HS3ST3B1: variants seen among roughly 807,000 people sequenced by gnomAD.
HS3ST3B1 encodes heparan sulfate-glucosamine 3-sulfotransferase 3B1.
A neutral mutation model predicts 21.3 loss-of-function variants in HS3ST3B1; 13 were observed. The ratio of observed to expected loss-of-function variants is 0.61; its 90% CI spans 0.40 to 0.97. The LOEUF (loss-of-function observed/expected upper bound fraction) is 0.97, where lower values mean the gene tolerates loss of function less well. HS3ST3B1 is among the 50% of genes least tolerant of loss of function. The pLI, the probability that HS3ST3B1 is intolerant of heterozygous loss-of-function variation, is 0.00. For missense variants in HS3ST3B1, 459 were observed against 554.8 expected (o/e 0.83, Z 1.73); for synonymous variants, 234 against 254.8 (o/e 0.92, Z 0.78).
chr17:14,320,811 A>G (rs564125608), intron 1 of HS3ST3B1, among the ~76,000 whole-genome samples: 1 of 152,192 alleles, frequency 6.6e-6, no homozygotes, highest in Non-Finnish European at 1.5e-5. Flanking sequence ...CTACAATAGG[A>G]ACAGCCCCAT....
chr17:14,323,377 C>T (rs532260255), intron 1 of HS3ST3B1, among the ~76,000 whole-genome samples: 3 of 152,218 alleles, frequency 2.0e-5, no homozygotes, highest in South Asian at 4.1e-4. Flanking sequence ...TTTAACAAGG[C>T]CTATTTCTAT....
intron 1 of HS3ST3B1, among the ~76,000 whole-genome samples, chr17:14,315,853 G>GA (rs536112401): frequency 4.6e-5 from 7 of 151,514 alleles, no homozygotes; most frequent in Admixed American, 4.6e-4. Context: ...GTAGAGGGTA[G>GA]AAAAAAAGAG....
At chr17:14,332,483 C>A (rs528942770) in intron 1 of HS3ST3B1, among the ~76,000 whole-genome samples, 1 of 152,060 alleles carries the variant, frequency 6.6e-6, no homozygotes, top group African/African-American at 2.4e-5. Context: ...TACCCTCCCC[C>A]ATTCGCAGCT....
intron 1 of HS3ST3B1, among the ~76,000 whole-genome samples, chr17:14,325,151 CG>C (rs1188949785): frequency 3.3e-5 from 5 of 152,190 alleles, no homozygotes; most frequent in African/African-American, 9.7e-5. Context: ...GGTATTAAGC[CG>C]AGGGGCTGGC....
chr17:14,310,206 C>T (rs1909263764), intron 1 of HS3ST3B1, among the ~76,000 whole-genome samples: 1 of 152,196 alleles, frequency 6.6e-6, no homozygotes, highest in South Asian at 2.1e-4. Flanking sequence ...CCTTCCGATC[C>T]CTGAATCTCA....
intron 1 of HS3ST3B1, among the ~76,000 whole-genome samples, chr17:14,334,041 G>A (rs1035107885): frequency 3.9e-5 from 6 of 152,200 alleles, no homozygotes; most frequent in Admixed American, 1.3e-4. Flanking sequence ...GATTACAGGC[G>A]TGAGCCACCG....
At chr17:14,344,590 G>GT (rs1910494409) in intron 1 of HS3ST3B1, among the ~76,000 whole-genome samples, 1 of 152,192 alleles carries the variant, frequency 6.6e-6, no homozygotes, top group Non-Finnish European at 1.5e-5. Flanking sequence ...CCTGGGTTTG[G>GT]TAAGTGTGAG....
At chr17:14,313,145 T>TACATATATATATGTG (rs1349125456) in intron 1 of HS3ST3B1, among the ~76,000 whole-genome samples, 2 of 150,552 alleles carry the variant, frequency 1.3e-5, no homozygotes, top group Non-Finnish European at 3.0e-5. Context: ...TATATATATA[T>TACATATATATATGTG]TTTTAGTAGA....
chr17:14,322,651 G>A (rs1230813054), intron 1 of HS3ST3B1, among the ~76,000 whole-genome samples: 5 of 152,092 alleles, frequency 3.3e-5, no homozygotes, highest in Non-Finnish European at 7.3e-5. Flanking sequence ...GTGTTTGGGT[G>A]GGCCTAAGTG....
At chr17:14,321,875 A>G (rs1158150785) in intron 1 of HS3ST3B1, among the ~76,000 whole-genome samples, 2 of 152,116 alleles carry the variant, frequency 1.3e-5, no homozygotes, top group Non-Finnish European at 2.9e-5. Flanking sequence ...GCGGAAGTGC[A>G]AAGAACTAGT....
chr17:14,321,162 C>A (rs1909646946), intron 1 of HS3ST3B1, among the ~76,000 whole-genome samples: 1 of 152,222 alleles, frequency 6.6e-6, no homozygotes, highest in Non-Finnish European at 1.5e-5. Context: ...CAGGATTGCT[C>A]ACTCATCAGA....
chr17:14,331,560 G>A (rs1030000981), intron 1 of HS3ST3B1, among the ~76,000 whole-genome samples: 3 of 152,152 alleles, frequency 2.0e-5, no homozygotes. Flanking sequence ...TGGAAGAGGA[G>A]GAGGGCTCGG....
chr17:14,317,202 C>T lies in HS3ST3B1; in HGVS notation c.554+15130C>T, dbSNP rs9907589. Among the ~76,000 whole-genome samples, 917 of 152,314 alleles carry T rather than the reference C, an allele frequency of 6.0e-3. 10 individuals are homozygous for T. Among genetic ancestry groups the T allele is most frequent in the African/African-American group, 0.019 (802 of 41,558 alleles). On this transcript the variant is annotated intron_variant, in intron 1 of 1. Transcript: ENST00000360954. ...TAAAGGGAAATTTAATACCCACCTT[C>T]GCTTTCTGTGCGGCCTTGTGAAAAT...
At chr17:14,340,411 C>T (rs1910337644) in intron 1 of HS3ST3B1, among the ~76,000 whole-genome samples, 2 of 151,968 alleles carry the variant, frequency 1.3e-5, no homozygotes, top group Admixed American at 1.3e-4. Flanking sequence ...ATCCACTGAC[C>T]CCCACCCTGC....
At position 14,339,850 on chromosome 17, in the gene HS3ST3B1, C is replaced by T. The variant is rs1168013091; in HGVS notation, c.555-5178C>T. Reference sequence around the variant, plus strand: ...ATTCCATGTGAGGGGGTCTTACCCTCGGCCACATCCTCATCCTTTCTTCTG... The same window carrying T: ...ATTCCATGTGAGGGGGTCTTACCCTTGGCCACATCCTCATCCTTTCTTCTG... On this transcript the variant is annotated intron_variant, in intron 1 of 1. Transcript: ENST00000360954. Among the ~76,000 whole-genome samples the T allele has an allele frequency of 4.6e-5, 7 of 152,274 alleles. No individual in the cohort carries two copies. The East Asian group carries it at 5.8e-4, about 13-fold the overall frequency.
At chr17:14,334,862 A>G (rs1910142154) in intron 1 of HS3ST3B1, among the ~76,000 whole-genome samples, 1 of 152,166 alleles carries the variant, frequency 6.6e-6, no homozygotes, top group Non-Finnish European at 1.5e-5. Flanking sequence ...GGCACTCAAA[A>G]AACTGCACTC....
At chr17:14,329,555 A>AAAGAAAAG (rs1284261153) in intron 1 of HS3ST3B1, 1 of 151,456 alleles carries the variant, frequency 6.6e-6, no homozygotes, top group Admixed American at 6.6e-5. Flanking sequence ...AAAGAAAAGG[A>AAAGAAAAG]AAGAAAAGAA....
chr17:14,310,627 A>G (rs1017708279), intron 1 of HS3ST3B1, among the ~76,000 whole-genome samples: 15 of 152,234 alleles, frequency 9.9e-5, no homozygotes, highest in African/African-American at 3.6e-4. Flanking sequence ...CACAAAGTAC[A>G]CAATTAGAGA....
intron 1 of HS3ST3B1, 29 bp downstream of exon 1, chr17:14,302,101 C>G: frequency 1.3e-6 from 2 of 1,568,120 alleles, no homozygotes; most frequent in Non-Finnish European, 1.7e-6. Flanking sequence ...GGCAGGGTCT[C>G]CATCGTCGAT....
Sources: allele counts gnomAD v4.1 joint callset (sites outside exome capture counted in the v4.1 genomes callset), GRCh38; gene constraint gnomAD v4.1.1; transcripts MANE v1.5; gene names NCBI Gene and HGNC (gene_info 2026-07-23, HGNC 2026-07-21).